The following CFAP20DC variants were observed in gnomAD, a reference collection of about 807,000 sequenced individuals.
CFAP20DC encodes CFAP20 domain containing, also known as protein CFAP20DC.
Under a neutral mutation model 101.7 loss-of-function variants are expected in CFAP20DC, and 84 were observed. The observed-to-expected ratio is 0.83, with a 90% confidence interval of 0.69 to 0.99. The LOEUF (loss-of-function observed/expected upper bound fraction) is 0.99, where lower values mean the gene tolerates loss of function less well. Ranked by LOEUF, CFAP20DC falls within the 50% of genes least tolerant of loss-of-function variation. CFAP20DC has a pLI of 0.00. For missense variants in CFAP20DC, 1,007 were observed against 970.3 expected, an observed-to-expected ratio of 1.04 and a Z score of -0.50; for synonymous variants, 359 against 351.2, an observed-to-expected ratio of 1.02 and a Z score of -0.25.
intron 15 of CFAP20DC, among the ~76,000 whole-genome samples, chr3:58,770,793 G>C (rs979692939): frequency 1.3e-5 from 2 of 152,178 alleles, no homozygotes; most frequent in Admixed American, 6.5e-5. Flanking sequence ...GCTCACAGTG[G>C]CAGTGGTGGG....
At chr3:58,812,951 A>T (rs140009877) in intron 14 of CFAP20DC, among the ~76,000 whole-genome samples, 1 of 151,866 alleles carries the variant, frequency 6.6e-6, no homozygotes, top group Non-Finnish European at 1.5e-5. Context: ...ACCAAACAAG[A>T]TATCTCATGG....
intron 6 of CFAP20DC, among the ~76,000 whole-genome samples, chr3:58,891,368 A>G (rs1190800686): frequency 6.6e-6 from 1 of 151,406 alleles, no homozygotes; most frequent in Admixed American, 6.6e-5. Context: ...GCAGCAGTAC[A>G]GTCCAGCTTC....
intron 16 of CFAP20DC, among the ~76,000 whole-genome samples, chr3:58,748,106 C>T (rs931330597): frequency 9.2e-5 from 14 of 152,132 alleles, no homozygotes; most frequent in Admixed American, 2.0e-4. Context: ...ATTACAATTT[C>T]ATTATTTTCA....
At chr3:58,736,427 CATT>C (rs1202679142) in intron 3 of CFAP20DC, among the ~76,000 whole-genome samples, 1 of 152,130 alleles carries the variant, frequency 6.6e-6, no homozygotes, top group African/African-American at 2.4e-5. Context: ...ATTCTAATCC[CATT>C]ATTAATCTCA....
rs769173716 is a variant in CFAP20DC at position 58,864,020 on chromosome 3, C to A, written c.1259-128G>T. Reference sequence around the variant, plus strand: ...CCGCCTAGGCTGCAGTGCAGTCACGCGATCTCGGCTCACTGCAACCTCCGC... The same window carrying A: ...CCGCCTAGGCTGCAGTGCAGTCACGAGATCTCGGCTCACTGCAACCTCCGC... On this transcript the variant is annotated intron_variant, in intron 11 of 16. Coordinates refer to ENST00000482387, the MANE Select transcript of CFAP20DC (RefSeq NM_001394063.1). This position sits in a 1 kb window ranked among gnomAD's most constrained non-coding sequence, Gnocchi z 4.7. 6 of 888,208 alleles carry A rather than the reference C, an allele frequency of 6.8e-6. No individual in the cohort carries two copies. In the East Asian group the frequency reaches 1.6e-4, roughly 24 times the overall value. The allele number at this position is 888,208 out of a possible 1,614,324, so 55.0% of individuals were successfully genotyped here.
intron 14 of CFAP20DC, among the ~76,000 whole-genome samples, chr3:58,809,627 A>G (rs1383605861): frequency 2.0e-5 from 3 of 152,202 alleles, no homozygotes; most frequent in Admixed American, 2.0e-4. Flanking sequence ...ACACCCTAAC[A>G]TCACAATTAA....
chr3:58,735,440 G>A (rs2067730705), intron 3 of CFAP20DC, among the ~76,000 whole-genome samples: 1 of 151,554 alleles, frequency 6.6e-6, no homozygotes, highest in Non-Finnish European at 1.5e-5. Flanking sequence ...ATCAAGTGAT[G>A]GTTAGTCTGT....
At chr3:58,821,455 A>G (rs1252567819) in intron 14 of CFAP20DC, among the ~76,000 whole-genome samples, 2 of 151,846 alleles carry the variant, frequency 1.3e-5, no homozygotes, top group Non-Finnish European at 2.9e-5. Context: ...CAAGAAAAAA[A>G]CAAACAACCC....
At chr3:58,855,872 T>C (rs2078748713) in intron 12 of CFAP20DC, among the ~76,000 whole-genome samples, 1 of 148,370 alleles carries the variant, frequency 6.7e-6, no homozygotes, top group Non-Finnish European at 1.5e-5. Flanking sequence ...CATTGGGAGA[T>C]ATACCTAATG....
intron 3 of CFAP20DC, among the ~76,000 whole-genome samples, chr3:59,044,270 T>G (rs1182266791): frequency 6.6e-6 from 1 of 152,150 alleles, no homozygotes; most frequent in South Asian, 2.1e-4. Context: ...ATTCAAGGCA[T>G]GTCATTCAAT....
chr3:58,906,104 TCCATCTCACAGA>T (rs2083561082), intron 6 of CFAP20DC, among the ~76,000 whole-genome samples: 1 of 152,166 alleles, frequency 6.6e-6, no homozygotes, highest in Admixed American at 6.5e-5. Context: ...AATGGCAACA[TCCATCTCACAGA>T]GTTGTTATGA....
chr3:58,855,742 A>T (rs2078727281), intron 12 of CFAP20DC, among the ~76,000 whole-genome samples: 2 of 150,804 alleles, frequency 1.3e-5, no homozygotes, highest in South Asian at 4.2e-4. Flanking sequence ...AGAAGAAAAA[A>T]CTAAACACCA....
At chr3:59,005,305 A>T (rs1576674930) in intron 4 of CFAP20DC, among the ~76,000 whole-genome samples, 1 of 152,314 alleles carries the variant, frequency 6.6e-6, no homozygotes, top group South Asian at 2.1e-4. Flanking sequence ...CCACATGCAC[A>T]GTTCAAGCCT....
chr3:58,985,029 T>G (rs2092705910), intron 4 of CFAP20DC, among the ~76,000 whole-genome samples: 1 of 152,012 alleles, frequency 6.6e-6, no homozygotes, highest in South Asian at 2.1e-4. Flanking sequence ...GCCTCCTGAG[T>G]AGGACTGAGG....
intron 14 of CFAP20DC, among the ~76,000 whole-genome samples, chr3:58,808,566 G>A (rs567514418): frequency 4.8e-4 from 73 of 152,180 alleles, no homozygotes; most frequent in Admixed American, 1.7e-3. Flanking sequence ...TGAAGGAACC[G>A]CTAAACATGG....
chr3:58,842,342 G>C (rs1415440421), intron 13 of CFAP20DC, among the ~76,000 whole-genome samples: 1 of 152,200 alleles, frequency 6.6e-6, no homozygotes, highest in Non-Finnish European at 1.5e-5. Flanking sequence ...GCGAGGCATT[G>C]CCTCACCTGG....
At chr3:58,731,474 G>A (rs1047116732) in intron 3 of CFAP20DC, among the ~76,000 whole-genome samples, 1 of 152,182 alleles carries the variant, frequency 6.6e-6, no homozygotes, top group African/African-American at 2.4e-5. Context: ...CAGCAAAAAA[G>A]GTGGTAGCTC....
rs1390299090 is a variant in CFAP20DC, at chr3:58,884,727, C to T, written c.551-18G>A. 2.5e-6 allele frequency: 4 copies of T among 1,584,710 alleles called. No homozygotes were observed. The highest frequency in any genetic ancestry group is 1.8e-5 in the Admixed American group (1 of 56,544). ...ATAGACAGCTGGAAATAAAGACAAACATTCATTTTCAAAATGTAAGCCATT... is the reference window on the plus strand; with the variant it reads ...ATAGACAGCTGGAAATAAAGACAAATATTCATTTTCAAAATGTAAGCCATT... On this transcript the variant is annotated intron_variant, in intron 6 of 16. Coordinates refer to ENST00000482387, the MANE Select transcript of CFAP20DC (RefSeq NM_001394063.1).
At chr3:58,935,608 G>A (rs1291959199) in intron 5 of CFAP20DC, among the ~76,000 whole-genome samples, 2 of 152,086 alleles carry the variant, frequency 1.3e-5, no homozygotes, top group African/African-American at 4.8e-5. Context: ...AGAGCCCTCA[G>A]AAATAACGCC....
Sources: allele counts gnomAD v4.1 joint callset (sites outside exome capture counted in the v4.1 genomes callset), GRCh38; gene constraint gnomAD v4.1.1; non-coding constraint Gnocchi (gnomAD v3.1); transcripts MANE v1.5; gene names NCBI Gene and HGNC (gene_info 2026-07-23, HGNC 2026-07-21).